Variants in KIT observed in about 807,000 individuals in gnomAD.
KIT encodes KIT proto-oncogene, receptor tyrosine kinase.
KIT carries 16 observed loss-of-function variants against 105.7 expected under a neutral mutation model. The observed-to-expected ratio is 0.15, with a 90% confidence interval of 0.10 to 0.23. The LOEUF (loss-of-function observed/expected upper bound fraction) is 0.23, where lower values mean the gene tolerates loss of function less well. KIT is among the 10% of genes least tolerant of loss of function. The pLI is 1.00. For missense variants in KIT, 858 were observed against 1,213.8 expected (o/e 0.71, Z 4.36); for synonymous variants, 438 against 441.1 (o/e 0.99, Z 0.09).
rs1439977705 is a variant in KIT at position 54,725,999 on chromosome 4, G to C, written c.1489G>C (p.Val497Leu). ...GGTTGAATGTAAGGCTTACAACGAT[G>C]TGGGCAAGACTTCTGCCTATTTTAA... The part of the protein sequence containing the change: ...GTVECKAYND[V>L]GKTSAYFNFA... The change falls in exon 9 of 21, where the codon GTG becomes CTG. Residue 497 changes from valine (V) to leucine (L), a missense_variant. Val to Leu is a conservative substitution (Grantham distance 32, BLOSUM62 1). Around this residue, in one of 7 missense-constraint regions of KIT, gnomAD observed 401 missense variants for 601.0 expected, o/e 0.67. Coordinates refer to ENST00000288135, the MANE Select transcript of KIT (RefSeq NM_000222.3). The C allele has an allele frequency of 6.2e-7, 1 of 1,614,152 alleles. No homozygotes were observed. The highest frequency in any genetic ancestry group is 1.1e-5 in the South Asian group (1 of 91,080).
chr4:54,660,403 C>G (rs905380119), intron 1 of KIT, among the ~76,000 whole-genome samples: 3 of 152,200 alleles, frequency 2.0e-5, no homozygotes, highest in African/African-American at 4.8e-5. Flanking sequence ...TTCTCAGCAG[C>G]TGGACACAAG....
At chr4:54,699,480 A>T (rs1445088708) in intron 3 of KIT, 150 bp from the exon 4 acceptor site, 2 of 795,060 alleles carry the variant, frequency 2.5e-6, no homozygotes, top group East Asian at 2.7e-5. Flanking sequence ...ACCTTCAGAT[A>T]TGCAAGTAGT....
At chr4:54,738,366 T>C (rs2109817353) in intron 20 of KIT, 63 bp from the exon 21 acceptor site, 3 of 1,574,924 alleles carry the variant, frequency 1.9e-6, no homozygotes, top group Non-Finnish European at 1.7e-6. Context: ...ACTGTAAGTA[T>C]GCCTTTTGTT....
intron 19 of KIT, 68 bp from the exon 20 acceptor site, chr4:54,737,107 G>T: frequency 2.0e-6 from 2 of 989,992 alleles, no homozygotes. Flanking sequence ...GAAGTTGCTG[G>T]ATGCCCATAC....
intron 13 of KIT, 90 bp downstream of exon 13, chr4:54,728,211 CTGCT>C (rs920009846): frequency 1.1e-6 from 1 of 949,412 alleles, no homozygotes; most frequent in African/African-American, 1.6e-5. Context: ...AGATTATAAA[CTGCT>C]TGGAAGATTT....
chr4:54,678,351 TCCC>T (rs1560381426), intron 1 of KIT, among the ~76,000 whole-genome samples: 2 of 46,354 alleles, frequency 4.3e-5, no homozygotes, highest in African/African-American at 9.4e-5. Flanking sequence ...CTTCCTTCCT[TCCC>T]TCCCTCCCTC....
chr4:54,697,521 G>T (rs1041715412), intron 2 of KIT, among the ~76,000 whole-genome samples: 1 of 152,126 alleles, frequency 6.6e-6, no homozygotes, highest in Non-Finnish European at 1.5e-5. Flanking sequence ...GTCTGTTCCT[G>T]GTGTCCTGTC....
chr4:54,676,105 A>G (rs1316328297), intron 1 of KIT, among the ~76,000 whole-genome samples: 3 of 152,208 alleles, frequency 2.0e-5, no homozygotes, highest in South Asian at 2.1e-4. Flanking sequence ...TTGAGTTCCA[A>G]GATACAGATC....
In KIT at chr4:54,709,485, C is replaced by T. The variant is rs750332587; in HGVS notation, c.1177C>T (p.Leu393=). The change falls in exon 7 of 21, where the codon CTA becomes TTA. Residue 393 remains leucine, a synonymous_variant. Transcript: ENST00000288135. ...CACCGAAGGAGGCACTTACACATTCCTAGTGTCCAATTCTGACGTCAATGC... is the reference window on the plus strand; with the variant it reads ...CACCGAAGGAGGCACTTACACATTCTTAGTGTCCAATTCTGACGTCAATGC... ...KGTEGGTYTF[L]VSNSDVNAAI... is the part of the protein sequence containing the mutation. 6.2e-7 allele frequency: 1 copy of T among 1,613,840 alleles called. No homozygotes were observed. The highest frequency in any genetic ancestry group is 1.7e-5 in the Admixed American group (1 of 60,026).
At chr4:54,737,303 T>C (rs756269863) in intron 20 of KIT, 23 bp downstream of exon 20, 3 of 1,456,742 alleles carry the variant, frequency 2.1e-6, no homozygotes, top group Non-Finnish European at 2.9e-6. Flanking sequence ...TGGCCAGGCA[T>C]AGAATCCCCC....
intron 1 of KIT, among the ~76,000 whole-genome samples, chr4:54,687,124 A>T (rs547813573): frequency 6.6e-6 from 1 of 152,336 alleles, no homozygotes; most frequent in Admixed American, 6.5e-5. Flanking sequence ...TATGTAAAAC[A>T]ATATGAAAGA....
chr4:54,707,054 G>C (rs1314183939), intron 5 of KIT, 44 bp from the exon 6 acceptor site: 1 of 1,132,992 alleles, frequency 8.8e-7, no homozygotes, highest in East Asian at 2.4e-5. Flanking sequence ...TTGTCCAGTA[G>C]TTGTAGATAA....
In KIT at chr4:54,723,000, A is replaced by C. The variant is rs1295673392; in HGVS notation, c.1232-584A>C. ...CATTTGAAACAAAGATTTGAAGTAA[A>C]GCCCATATTGTATTTTACTCTTTAT... On this transcript the variant is annotated intron_variant, in intron 7 of 20. Coordinates refer to ENST00000288135, the MANE Select transcript of KIT (RefSeq NM_000222.3). 2.0e-5 allele frequency among the ~76,000 whole-genome samples: 3 copies of C among 151,598 alleles called. No homozygotes were observed. The East Asian group carries it at 5.8e-4, about 29-fold the overall frequency.
intron 7 of KIT, among the ~76,000 whole-genome samples, chr4:54,723,333 GC>G (rs1294757071): frequency 2.0e-5 from 3 of 152,154 alleles, no homozygotes; most frequent in African/African-American, 7.2e-5. Context: ...CCTGCAGTTG[GC>G]CCTGCCACCT....
intron 8 of KIT, among the ~76,000 whole-genome samples, chr4:54,724,994 G>T (rs574219389): frequency 2.0e-5 from 3 of 152,298 alleles, no homozygotes; most frequent in African/African-American, 7.2e-5. Context: ...TCATGAAAAG[G>T]ATCCCTTGCA....
chr4:54,738,677 T>A lies in KIT; in HGVS notation c.*120T>A. The A allele has an allele frequency of 8.0e-7, 1 of 1,252,330 alleles. No individual in the cohort carries two copies. Among genetic ancestry groups the A allele is most frequent in the South Asian group, 1.2e-5 (1 of 84,002 alleles). 77.6% of individuals were successfully genotyped at this position (1,252,330 alleles called of 1,614,324 possible). ...CAGGATAGTGGGCACCCCACTGCAA[T>A]CCTGTCTTTCTGAGCACACTTTAGT... On this transcript the variant is annotated 3_prime_UTR_variant, in exon 21 of 21. Transcript: ENST00000288135.
chr4:54,724,653 T>A (rs1722103062), intron 8 of KIT, among the ~76,000 whole-genome samples: 1 of 152,020 alleles, frequency 6.6e-6, no homozygotes, highest in South Asian at 2.1e-4. Flanking sequence ...TATGTTCTAG[T>A]GCAGGGGTGT....
In KIT at chr4:54,721,417, AT is replaced by A. The variant is rs545426657; in HGVS notation, c.1232-2166del. Among the ~76,000 whole-genome samples, 294 of 152,318 alleles carry A rather than the reference AT, an allele frequency of 1.9e-3. 1 individual carries two copies. Among genetic ancestry groups the A allele is most frequent in the Admixed American group, 4.5e-3 (69 of 15,308 alleles). On this transcript the variant is annotated intron_variant, in intron 7 of 20. Transcript: ENST00000288135. ...CAGCCTGATCACACAGTTGCCCATG[AT>A]AATTAAATGAAACTTGCCAGATGGA... is the stretch of plus-strand genomic sequence containing the variant.
At chr4:54,686,220 A>T (rs1042507247) in intron 1 of KIT, among the ~76,000 whole-genome samples, 12 of 132,474 alleles carry the variant, frequency 9.1e-5, no homozygotes, top group Admixed American at 2.2e-4. Flanking sequence ...GGAGCTACTT[A>T]AAAAAAAAAA....
Sources: allele counts gnomAD v4.1 joint callset (sites outside exome capture counted in the v4.1 genomes callset), GRCh38; gene constraint gnomAD v4.1.1; regional missense constraint gnomAD v4.1.1; transcripts MANE v1.5; gene names NCBI Gene and HGNC (gene_info 2026-07-23, HGNC 2026-07-21).